OR56A3: variants seen among roughly 807,000 people sequenced by gnomAD.
OR56A3 encodes the protein olfactory receptor 56A3.
A neutral mutation model predicts 17.5 loss-of-function variants in OR56A3; 23 were observed. The observed-to-expected ratio is 1.32, with a 90% CI of 0.95 to 1.87. OR56A3 has a LOEUF of 1.87. Ranked by LOEUF, OR56A3 falls within the 40% of genes most tolerant of loss-of-function variation. OR56A3 has a pLI of 0.00. For missense variants in OR56A3, 366 were observed against 380.1 expected, an observed-to-expected ratio of 0.96 and a Z score of 0.31; for synonymous variants, 175 against 150.6, an observed-to-expected ratio of 1.16 and a Z score of -1.19.
chr11:5,950,019 T>A lies in OR56A3; in HGVS notation c.*1725T>A, dbSNP rs1018150124. 1 of 152,112 alleles carries A rather than the reference T, an allele frequency of 6.6e-6. No homozygotes were observed. The highest frequency in any genetic ancestry group is 2.4e-5 in the African/African-American group (1 of 41,432). The allele number at this position is 152,112 out of a possible 1,614,324, so 9.4% of individuals were successfully genotyped here. On this transcript the variant is annotated 3_prime_UTR_variant, in exon 3 of 3. Coordinates refer to ENST00000641160, the MANE Select transcript of OR56A3 (RefSeq NM_001003443.3). ...CTCATACATTTCAACATAAGAAAAA[T>A]GGCTTGACTTGAAATGTGAATAACC...
chr11:5,992,312 G>A, the OR56A3 span, among the ~76,000 whole-genome samples: 1 of 152,240 alleles, frequency 6.6e-6, no homozygotes, highest in East Asian at 1.9e-4. Flanking sequence ...CACACCCAAT[G>A]ACTGCTGATA....
At chr11:5,992,766 C>T in the OR56A3 span, among the ~76,000 whole-genome samples, 3 of 152,144 alleles carry the variant, frequency 2.0e-5, no homozygotes, top group African/African-American at 4.8e-5. Context: ...TTTCCTTGGT[C>T]CCATCTGTTA....
the OR56A3 span, among the ~76,000 whole-genome samples, chr11:5,960,319 G>A: frequency 6.6e-5 from 10 of 151,764 alleles, no homozygotes; most frequent in East Asian, 2.0e-3. Flanking sequence ...AGCTGAGGCT[G>A]GACTGTACTG....
At chr11:5,996,960 C>T in the OR56A3 span, among the ~76,000 whole-genome samples, 1 of 152,148 alleles carries the variant, frequency 6.6e-6, no homozygotes, top group African/African-American at 2.4e-5. Flanking sequence ...ATGGGAAGCC[C>T]AGGAGGGAGA....
the OR56A3 span, among the ~76,000 whole-genome samples, chr11:5,999,167 A>C: frequency 2.8e-4 from 42 of 152,192 alleles, no homozygotes; most frequent in Non-Finnish European, 5.4e-4. Flanking sequence ...AAGCAAGAGA[A>C]CTTCTCAAGA....
At chr11:5,945,663 A>G (rs1847865734) in intron 2 of OR56A3, among the ~76,000 whole-genome samples, 1 of 151,872 alleles carries the variant, frequency 6.6e-6, no homozygotes, top group Non-Finnish European at 1.5e-5. Context: ...TATATTAGGT[A>G]AGATTAGGAT....
chr11:6,002,373 C>G, the OR56A3 span: 5 of 1,614,144 alleles, frequency 3.1e-6, no homozygotes, highest in Non-Finnish European at 4.2e-6. Flanking sequence ...CAACAGAGTC[C>G]AGCCTGCCAC....
At chr11:5,960,250 C>G in the OR56A3 span, among the ~76,000 whole-genome samples, 1 of 151,836 alleles carries the variant, frequency 6.6e-6, no homozygotes, top group Non-Finnish European at 1.5e-5. Flanking sequence ...CCCCCTCCCT[C>G]TCCCTCTCCC....
the OR56A3 span, chr11:5,999,535 T>G: frequency 2.0e-5 from 3 of 152,220 alleles, no homozygotes; most frequent in Non-Finnish European, 4.4e-5. Context: ...GAGAATAAAA[T>G]TCCAGTTCTC....
the OR56A3 span, chr11:5,986,208 C>T: frequency 6.2e-7 from 1 of 1,613,828 alleles, no homozygotes; most frequent in Non-Finnish European, 8.5e-7. Flanking sequence ...TCAGCACTGC[C>T]TGGAGGATGT....
chr11:5,982,793 G>T, the OR56A3 span, among the ~76,000 whole-genome samples: 1 of 152,096 alleles, frequency 6.6e-6, no homozygotes, highest in Non-Finnish European at 1.5e-5. Flanking sequence ...GGGGGTTGTG[G>T]GGTCCCCTGC....
chr11:5,990,793 G>A, the OR56A3 span, among the ~76,000 whole-genome samples: 2 of 152,166 alleles, frequency 1.3e-5, no homozygotes, highest in Non-Finnish European at 2.9e-5. Context: ...CTGTCCTTCT[G>A]GTCTCTGGGC....
the OR56A3 span, among the ~76,000 whole-genome samples, chr11:6,012,563 C>G: frequency 6.6e-6 from 1 of 152,146 alleles, no homozygotes; most frequent in East Asian, 1.9e-4. Flanking sequence ...TAGCTCCTCC[C>G]TGCAGCTGGT....
chr11:5,987,383 C>T, the OR56A3 span, among the ~76,000 whole-genome samples: 299 of 152,266 alleles, frequency 2.0e-3, 6 homozygotes, highest in Admixed American at 0.018. Context: ...GGGATCCATC[C>T]TCTCCTGTAT....
At chr11:5,994,797 G>A in the OR56A3 span, 1 of 754,938 alleles carries the variant, frequency 1.3e-6, no homozygotes, top group Non-Finnish European at 2.4e-6. Flanking sequence ...CAGTCTACCT[G>A]GGGTCCCTTC....
the OR56A3 span, among the ~76,000 whole-genome samples, chr11:5,976,690 A>G: frequency 6.6e-6 from 1 of 151,518 alleles, no homozygotes; most frequent in Non-Finnish European, 1.5e-5. Flanking sequence ...TCTGTTTTCT[A>G]TTTTATTGAC....
At chr11:6,000,628 TAAAA>T in the OR56A3 span, 2 of 151,724 alleles carry the variant, frequency 1.3e-5, no homozygotes, top group Non-Finnish European at 2.9e-5. Flanking sequence ...AAATAAAAAA[TAAAA>T]AAACCTGGTA....
rs1361793988 is a variant in OR56A3 at position 5,942,299 on chromosome 11, GCT to G, written c.-386_-385del. On this transcript the variant is annotated 5_prime_UTR_variant, in exon 1 of 3. Transcript: ENST00000641160. Reference sequence around the variant, plus strand: ...ATCTCTGTCTTCAGTCCCTATCTGTGCTCTTTTCCATTCCTGCGTCAATACTG... The same window carrying G: ...ATCTCTGTCTTCAGTCCCTATCTGTGCTTTTCCATTCCTGCGTCAATACTG... 1 of 152,158 alleles carries G rather than the reference GCT, an allele frequency of 6.6e-6. No homozygotes were observed. The highest frequency in any genetic ancestry group is 1.5e-5 in the Non-Finnish European group (1 of 68,028). The allele number at this position is 152,158 out of a possible 1,614,324, so 9.4% of individuals were successfully genotyped here. A position where few individuals can be genotyped will look rare whatever the true frequency, so the allele number is the denominator to read the frequency against.
the OR56A3 span, chr11:6,002,893 G>C: frequency 1.2e-6 from 2 of 1,614,128 alleles, no homozygotes; most frequent in Non-Finnish European, 8.5e-7. Flanking sequence ...AGAAGGCTGA[G>C]GGGCAGAGAC....
Sources: gnomAD v4.1 joint callset for allele counts (sites outside exome capture counted in the v4.1 genomes callset) on GRCh38, gnomAD v4.1.1 for gene constraint, MANE v1.5 for transcripts, NCBI Gene and HGNC (gene_info 2026-07-23, HGNC 2026-07-21) for gene names.